PCDHGA5: variants seen among roughly 807,000 people sequenced by gnomAD.
PCDHGA5 encodes protocadherin gamma-A5.
In PCDHGA5, 36 loss-of-function variants were observed where a neutral mutation model predicts 56.7. That is an observed-to-expected ratio of 0.64 (90% CI 0.49 to 0.84). PCDHGA5 has a LOEUF of 0.84. Among genes scored for constraint, PCDHGA5 ranks in the 40% least tolerant of loss-of-function variants. PCDHGA5 has a pLI of 0.00. For synonymous variants in PCDHGA5, 563 were observed against 520.2 expected, an observed-to-expected ratio of 1.08 and a Z score of -1.12; for missense variants, 1,305 against 1,201.5, an observed-to-expected ratio of 1.09 and a Z score of -1.27.
intron 1 of PCDHGA5, among the ~76,000 whole-genome samples, chr5:141,444,000 A>T (rs2098413157): frequency 6.6e-6 from 1 of 152,070 alleles, no homozygotes; most frequent in African/African-American, 2.4e-5. Context: ...TTTAAATGCT[A>T]CCTGGGTATT....
chr5:141,419,426 G>A (rs753089031), intron 1 of PCDHGA5: 19 of 1,613,194 alleles, frequency 1.2e-5, no homozygotes, highest in Non-Finnish European at 1.5e-5. Context: ...CTTCGACCAC[G>A]AGCAGCTGCG....
intron 1 of PCDHGA5, chr5:141,418,347 G>C: frequency 6.2e-7 from 1 of 1,614,024 alleles, no homozygotes; most frequent in Non-Finnish European, 8.5e-7. Context: ...CCTGATATTA[G>C]TATGAATTCG....
chr5:141,501,164 G>C (rs991995325), intron 2 of PCDHGA5, among the ~76,000 whole-genome samples: 32 of 152,144 alleles, frequency 2.1e-4, no homozygotes, highest in African/African-American at 7.7e-4. Context: ...ACCATCCCCA[G>C]CCTCATTTAC....
intron 1 of PCDHGA5, chr5:141,478,477 C>T: frequency 6.2e-7 from 1 of 1,613,796 alleles, no homozygotes; most frequent in Non-Finnish European, 8.5e-7. Flanking sequence ...GCCGCCAGAA[C>T]ACGCTGCGGA....
chr5:141,390,999 A>C (rs982856270), intron 1 of PCDHGA5: 23 of 152,216 alleles, frequency 1.5e-4, no homozygotes, highest in African/African-American at 5.6e-4. Context: ...ATTCAAGCTC[A>C]TTCTATATCC....
chr5:141,486,284 C>G lies in PCDHGA5; in HGVS notation c.2422-8523C>G, dbSNP rs1259853159. ...TGCAGAACCTGGCACTGTGGTGGCA[C>G]TTATCAGTGTGCAGGATCCAGACTC... On this transcript the variant is annotated intron_variant, in intron 1 of 3. Transcript: ENST00000518069. This position sits in a 1 kb window ranked among gnomAD's most constrained non-coding sequence, Gnocchi z 5.0. The G allele has an allele frequency of 6.2e-7, 1 of 1,614,050 alleles. No homozygotes were observed. The highest frequency in any genetic ancestry group is 8.5e-7 in the Non-Finnish European group (1 of 1,179,988).
Position 141,491,897 on chromosome 5 carries a change from C to G in PCDHGA5, c.2422-2910C>G. The stretch of plus-strand genomic sequence containing the variant: ...GATTAAGGGATGGGGCTCCGAGCAC[C>G]GGGGGTGGTGGCGACTGTGGGCGAG... On this transcript the variant is annotated intron_variant, in intron 1 of 3. Transcript: ENST00000518069. This position sits in a 1 kb window ranked among gnomAD's most constrained non-coding sequence, Gnocchi z 6.9. 7 of 1,432,534 alleles carry G rather than the reference C, an allele frequency of 4.9e-6. No homozygotes were observed. The highest frequency in any genetic ancestry group is 6.5e-6 in the Non-Finnish European group (7 of 1,082,898). 88.7% of individuals were successfully genotyped at this position (1,432,534 alleles called of 1,614,324 possible).
intron 1 of PCDHGA5, chr5:141,383,154 C>A: frequency 6.2e-7 from 1 of 1,614,112 alleles, no homozygotes; most frequent in South Asian, 1.1e-5. Context: ...GCAGCTTGGT[C>A]ACTGCGGGCA....
chr5:141,417,940 C>T (rs757819377), intron 1 of PCDHGA5: 2 of 1,613,054 alleles, frequency 1.2e-6, no homozygotes, highest in South Asian at 1.1e-5. Context: ...TGTTCTACCC[C>T]ACGCTGTGTG....
At chr5:141,453,922 T>C (rs2098777315) in intron 1 of PCDHGA5, among the ~76,000 whole-genome samples, 1 of 152,230 alleles carries the variant, frequency 6.6e-6, no homozygotes, top group African/African-American at 2.4e-5. Context: ...CAGTGATCAG[T>C]CACTGTGTGC....
chr5:141,477,212 C>T lies in PCDHGA5; in HGVS notation c.2422-17595C>T, dbSNP rs1488282405. On this transcript the variant is annotated intron_variant, in intron 1 of 3. Coordinates refer to ENST00000518069, the MANE Select transcript of PCDHGA5 (RefSeq NM_018918.3). This position sits in a 1 kb window ranked among gnomAD's most constrained non-coding sequence, Gnocchi z 4.9. ...GTACAGCCCAGTACCCGAGGATGCC[C>T]CTCTGGGGACTGTCATCGCTTTGCT... 11 of 1,614,048 alleles carry T rather than the reference C, an allele frequency of 6.8e-6. No individual in the cohort carries two copies. The highest frequency in any genetic ancestry group is 1.3e-5 in the African/African-American group (1 of 74,918).
At chr5:141,368,029 A>G (rs751685709) in intron 1 of PCDHGA5, among the ~76,000 whole-genome samples, 3 of 152,216 alleles carry the variant, frequency 2.0e-5, no homozygotes, top group Non-Finnish European at 4.4e-5. Context: ...CTCAAATTCC[A>G]GGAGGATGTG....
chr5:141,409,491 C>A (rs747701093), intron 1 of PCDHGA5: 1 of 1,613,876 alleles, frequency 6.2e-7, no homozygotes, highest in East Asian at 2.2e-5. Context: ...AGGGGCAAGC[C>A]GCCTCTTTCT....
In PCDHGA5 at chr5:141,486,194, C is replaced by A. The variant is rs1248456800; in HGVS notation, c.2422-8613C>A. The A allele has an allele frequency of 6.2e-7, 1 of 1,614,196 alleles. No individual in the cohort carries two copies. Among genetic ancestry groups the A allele is most frequent in the Non-Finnish European group, 8.5e-7 (1 of 1,180,026 alleles). ...ACATTGCAGCCTTCGAGTGGATCTG[C>A]TGGACGTAAATGACAATGCCCCTTA... On this transcript the variant is annotated intron_variant, in intron 1 of 3. Transcript: ENST00000518069. The surrounding 1 kb of genome is among the most constrained non-coding windows in gnomAD (Gnocchi z 5.0).
In PCDHGA5 at chr5:141,365,799, C is replaced by G. The variant is rs755374983; in HGVS notation, c.1469C>G (p.Ser490Cys). The change falls in exon 1 of 4, where the codon TCC (serine) becomes TGC (cysteine). Residue 490 changes from serine to cysteine, a missense_variant. By Grantham distance (112) the Ser-to-Cys change is moderately radical. Coordinates refer to ENST00000518069, the MANE Select transcript of PCDHGA5 (RefSeq NM_018918.3). ...DSGDNARVTY[S>C]LAEDTFQGAP... ...GGCGACAACGCTCGAGTCACCTACT[C>G]CCTGGCTGAAGACACATTTCAGGGG... 1 of 1,613,942 alleles carries G rather than the reference C, an allele frequency of 6.2e-7. No homozygotes were observed. Among genetic ancestry groups the G allele is most frequent in the South Asian group, 1.1e-5 (1 of 91,082 alleles).
At chr5:141,388,261 T>C in intron 1 of PCDHGA5, 1 of 1,611,348 alleles carries the variant, frequency 6.2e-7, no homozygotes. Flanking sequence ...ATCGAGGACA[T>C]TAATGACCAC....
intron 1 of PCDHGA5, chr5:141,375,835 C>T (rs772317330): frequency 2.5e-5 from 40 of 1,613,984 alleles, no homozygotes; most frequent in Middle Eastern, 1.6e-4. Context: ...CCGCAGAGCC[C>T]GGCTACCTGG....
chr5:141,500,554 C>A (rs2099801320), intron 2 of PCDHGA5, among the ~76,000 whole-genome samples: 1 of 152,212 alleles, frequency 6.6e-6, no homozygotes, highest in Admixed American at 6.5e-5. Context: ...AAGTTGTTCA[C>A]AAACTTGTCA....
chr5:141,464,389 A>G (rs2099082481), intron 1 of PCDHGA5, among the ~76,000 whole-genome samples: 1 of 151,766 alleles, frequency 6.6e-6, no homozygotes, highest in Non-Finnish European at 1.5e-5. Flanking sequence ...AAAAATGCTA[A>G]TGAAGAACCT....
Sources: gnomAD v4.1 joint callset for allele counts (sites outside exome capture counted in the v4.1 genomes callset) on GRCh38, gnomAD v4.1.1 for gene constraint, Gnocchi (gnomAD v3.1) non-coding constraint, MANE v1.5 for transcripts, NCBI Gene and HGNC (gene_info 2026-07-23, HGNC 2026-07-21) for gene names.